Variants in EFCAB11 observed in about 807,000 individuals in gnomAD.
EFCAB11 encodes the protein EF-hand calcium-binding domain-containing protein 11.
Under a neutral mutation model 23.0 loss-of-function variants are expected in EFCAB11, and 14 were observed. That is an observed-to-expected ratio of 0.61 (90% CI 0.40 to 0.95). EFCAB11 has a LOEUF of 0.95. EFCAB11 is among the 40% of genes least tolerant of loss of function. The pLI, the probability that EFCAB11 is intolerant of heterozygous loss-of-function variation, is 0.00. For synonymous variants in EFCAB11, 65 were observed against 66.6 expected, an observed-to-expected ratio of 0.98 and a Z score of 0.11; for missense variants, 198 against 195.8, an observed-to-expected ratio of 1.01 and a Z score of -0.07.
chr14:89,860,803 TTAA>T (rs1014549627), intron 5 of EFCAB11, among the ~76,000 whole-genome samples: 1 of 152,216 alleles, frequency 6.6e-6, no homozygotes, highest in African/African-American at 2.4e-5. Context: ...TCTCCAGGTA[TTAA>T]TAATATACTG....
At chr14:89,897,361 C>T (rs1889201393) in intron 5 of EFCAB11, among the ~76,000 whole-genome samples, 1 of 152,024 alleles carries the variant, frequency 6.6e-6, no homozygotes, top group South Asian at 2.1e-4. Flanking sequence ...GTGCATGCCA[C>T]CAAGCCCAAC....
chr14:89,895,413 G>A (rs1456732478), intron 5 of EFCAB11, among the ~76,000 whole-genome samples: 1 of 152,082 alleles, frequency 6.6e-6, no homozygotes, highest in Non-Finnish European at 1.5e-5. Flanking sequence ...TGCTAAAGAC[G>A]AAAAATAAGG....
chr14:89,901,081 T>C (rs1383399352), intron 5 of EFCAB11, among the ~76,000 whole-genome samples: 1 of 152,224 alleles, frequency 6.6e-6, no homozygotes, highest in African/African-American at 2.4e-5. Flanking sequence ...GTTGCCTCAT[T>C]TAAAAGCATA....
chr14:89,832,039 G>A (rs1034176613), intron 5 of EFCAB11, among the ~76,000 whole-genome samples: 14 of 152,018 alleles, frequency 9.2e-5, no homozygotes, highest in Admixed American at 5.9e-4. Flanking sequence ...GGGGCTGGGC[G>A]TGGTGGCTCA....
At chr14:89,954,128 T>C in intron 1 of EFCAB11, 127 bp from the exon 2 acceptor site, 1 of 911,530 alleles carries the variant, frequency 1.1e-6, no homozygotes, top group Non-Finnish European at 1.6e-6. Flanking sequence ...AAATAGAATT[T>C]CATTATCCCA....
intron 5 of EFCAB11, among the ~76,000 whole-genome samples, chr14:89,898,591 C>T (rs1770103284): frequency 6.6e-6 from 1 of 151,414 alleles, no homozygotes; most frequent in African/African-American, 2.4e-5. Flanking sequence ...TCTTGAACTC[C>T]TGGTGTCAAG....
At chr14:89,807,185 A>G (rs1596374805) in intron 5 of EFCAB11, among the ~76,000 whole-genome samples, 2 of 152,242 alleles carry the variant, frequency 1.3e-5, no homozygotes, top group Admixed American at 1.3e-4. Context: ...TCTATGCTCA[A>G]TAGATTTCTA....
intron 5 of EFCAB11, among the ~76,000 whole-genome samples, chr14:89,839,285 G>A (rs1035200254): frequency 6.6e-6 from 1 of 152,166 alleles, no homozygotes; most frequent in African/African-American, 2.4e-5. Flanking sequence ...AGGATTCCAG[G>A]AACATCTTTC....
intron 5 of EFCAB11, among the ~76,000 whole-genome samples, chr14:89,814,789 C>G (rs1483003230): frequency 6.6e-6 from 1 of 152,120 alleles, no homozygotes; most frequent in Non-Finnish European, 1.5e-5. Context: ...GCTTTCCTAC[C>G]TAGCATAGCA....
At chr14:89,871,419 T>C (rs1190866445) in intron 5 of EFCAB11, among the ~76,000 whole-genome samples, 1 of 152,188 alleles carries the variant, frequency 6.6e-6, no homozygotes, top group Non-Finnish European at 1.5e-5. Context: ...GTTGTTTCAA[T>C]GGGTGGACCT....
chr14:89,822,586 C>A (rs1886560624), intron 5 of EFCAB11, among the ~76,000 whole-genome samples: 1 of 152,136 alleles, frequency 6.6e-6, no homozygotes, highest in African/African-American at 2.4e-5. Context: ...AAAAAAAGCT[C>A]CAGAAATTGG....
At chr14:89,921,551 T>G (rs1890021870) in intron 5 of EFCAB11, among the ~76,000 whole-genome samples, 1 of 152,222 alleles carries the variant, frequency 6.6e-6, no homozygotes, top group African/African-American at 2.4e-5. Context: ...GGCCTGAGAT[T>G]AGGCGTTGCT....
intron 5 of EFCAB11, among the ~76,000 whole-genome samples, chr14:89,881,722 A>T (rs1888608594): frequency 6.6e-6 from 1 of 151,796 alleles, no homozygotes; most frequent in African/African-American, 2.4e-5. Flanking sequence ...TGCTGGGATT[A>T]CAGGCATGAG....
chr14:89,843,415 T>C (rs982010881), intron 5 of EFCAB11, among the ~76,000 whole-genome samples: 1 of 152,256 alleles, frequency 6.6e-6, no homozygotes, highest in African/African-American at 2.4e-5. Context: ...TTTATGTGTA[T>C]TCCCTAATAA....
intron 5 of EFCAB11, among the ~76,000 whole-genome samples, chr14:89,850,769 C>T (rs1887579623): frequency 6.6e-6 from 1 of 152,208 alleles, no homozygotes; most frequent in Non-Finnish European, 1.5e-5. Flanking sequence ...ATTTAACTTT[C>T]ACCTCTAAAA....
In EFCAB11 at chr14:89,816,289, A is replaced by C. The variant is rs529880657; in HGVS notation, c.411-18965T>G. ...ATCAGTTCTAATAGTTTTTTGGTGG[A>C]GTCTGTAGGTTTTTCTAAATATGTT... On this transcript the variant is annotated intron_variant, in intron 5 of 5. Coordinates refer to ENST00000316738, the MANE Select transcript of EFCAB11 (RefSeq NM_145231.4). Among the ~76,000 whole-genome samples, 3 of 152,212 alleles carry C rather than the reference A, an allele frequency of 2.0e-5. No homozygotes were observed. The South Asian group carries it at 6.2e-4, about 32-fold the overall frequency.
chr14:89,859,063 T>C (rs927684173), intron 5 of EFCAB11, among the ~76,000 whole-genome samples: 7 of 152,150 alleles, frequency 4.6e-5, no homozygotes, highest in African/African-American at 1.7e-4. Flanking sequence ...GCAGTAATAA[T>C]GAAAGCAAAT....
chr14:89,926,833 A>T (rs1379088359), intron 5 of EFCAB11, among the ~76,000 whole-genome samples: 1 of 152,234 alleles, frequency 6.6e-6, no homozygotes, highest in Non-Finnish European at 1.5e-5. Context: ...CTACTTGAGG[A>T]TAAACTTCAG....
At chr14:89,888,346 G>A (rs1056201056) in intron 5 of EFCAB11, among the ~76,000 whole-genome samples, 1 of 152,206 alleles carries the variant, frequency 6.6e-6, no homozygotes, top group African/African-American at 2.4e-5. Flanking sequence ...TCTGAGCTTA[G>A]ATAATTTATA....
Sources: gnomAD v4.1 joint callset for allele counts (sites outside exome capture counted in the v4.1 genomes callset) on GRCh38, gnomAD v4.1.1 for gene constraint, MANE v1.5 for transcripts, NCBI Gene and HGNC (gene_info 2026-07-23, HGNC 2026-07-21) for gene names.